The following ADAMTSL3 variants were observed in gnomAD, a reference collection of about 807,000 sequenced individuals.
ADAMTSL3 encodes ADAMTS like 3.
Under a neutral mutation model 201.7 loss-of-function variants are expected in ADAMTSL3, and 128 were observed. The observed-to-expected ratio is 0.63, with a 90% CI of 0.55 to 0.73. ADAMTSL3 has a LOEUF of 0.73. Among genes scored for constraint, ADAMTSL3 ranks in the 30% least tolerant of loss-of-function variants. The probability of loss-of-function intolerance (pLI) is 0.00; values close to 1 mark genes in which losing one functional copy is unlikely to be tolerated. For missense variants in ADAMTSL3, 1,990 were observed against 2,119.6 expected (o/e 0.94, Z 1.20); for synonymous variants, 738 against 748.4 (o/e 0.99, Z 0.23).
chr15:83,762,187 G>T (rs536123633), intron 3 of ADAMTSL3, among the ~76,000 whole-genome samples: 86 of 152,094 alleles, frequency 5.7e-4, no homozygotes, highest in Non-Finnish European at 1.1e-3. Flanking sequence ...AGCAGCTGGG[G>T]CTACTGGTGT....
In ADAMTSL3 at chr15:83,773,602, C is replaced by G; in HGVS notation, c.269C>G (p.Thr90Ser). The change falls in exon 4 of 30, where the codon ACC becomes AGC. Residue 90 changes from threonine to serine, a missense_variant. Thr to Ser is a moderately conservative substitution (Grantham distance 58). Coordinates refer to ENST00000286744, the MANE Select transcript of ADAMTSL3 (RefSeq NM_207517.3). Reference sequence around the variant, plus strand: ...GGCGACTGGAGTGACTGCTCCCGGACCTGTGGGGGAGGAGCATCATATTCT... The same window carrying G: ...GGCGACTGGAGTGACTGCTCCCGGAGCTGTGGGGGAGGAGCATCATATTCT... ...AWGDWSDCSRTCGGGASYSLR... is the reference protein window; with the variant it reads ...AWGDWSDCSRSCGGGASYSLR... 1 of 1,612,988 alleles carries G rather than the reference C, an allele frequency of 6.2e-7. No individual in the cohort carries two copies. The highest frequency in any genetic ancestry group is 1.1e-5 in the South Asian group (1 of 90,792).
chr15:83,799,223 G>C (rs2063480370), intron 4 of ADAMTSL3, among the ~76,000 whole-genome samples: 1 of 152,166 alleles, frequency 6.6e-6, no homozygotes, highest in Non-Finnish European at 1.5e-5. Context: ...CCATCCCAAA[G>C]CTTTAGAAAG....
rs145031923 is a variant in ADAMTSL3, at chr15:84,038,040, T to C, written c.*234T>C. On this transcript the variant is annotated 3_prime_UTR_variant, in exon 30 of 30. Coordinates refer to ENST00000286744, the MANE Select transcript of ADAMTSL3 (RefSeq NM_207517.3). ...CAAGGATGAACAAAATACTATAGCA[T>C]GCATGCCACTGCACTTGGGACCTCA... 1.1e-4 allele frequency: 57 copies of C among 526,092 alleles called. 1 individual carries two copies. In the East Asian group the frequency reaches 1.9e-3, roughly 17 times the overall value. 32.6% of individuals were successfully genotyped at this position (526,092 alleles called of 1,614,324 possible).
intron 4 of ADAMTSL3, among the ~76,000 whole-genome samples, chr15:83,797,623 T>C (rs570037940): frequency 6.6e-6 from 1 of 152,052 alleles, no homozygotes; most frequent in African/African-American, 2.4e-5. Context: ...AAAAAGAATA[T>C]GAAATGACAT....
chr15:83,809,380 C>T (rs761613858), intron 5 of ADAMTSL3, among the ~76,000 whole-genome samples: 1 of 152,114 alleles, frequency 6.6e-6, no homozygotes. Context: ...GCAAATGGCT[C>T]ACTAGCACCC....
At chr15:83,726,100 GA>G (rs2062171030) in intron 3 of ADAMTSL3, among the ~76,000 whole-genome samples, 1 of 151,888 alleles carries the variant, frequency 6.6e-6, no homozygotes, top group Non-Finnish European at 1.5e-5. Flanking sequence ...TTTCATTGTA[GA>G]AATCTTTCAT....
chr15:83,903,917 C>CAAAA (rs1168502648), intron 15 of ADAMTSL3, among the ~76,000 whole-genome samples: 3 of 19,274 alleles, frequency 1.6e-4, no homozygotes, highest in Non-Finnish European at 1.5e-4. Context: ...GACTCCACAT[C>CAAAA]AAAAAAAAAA....
At chr15:83,863,420 A>G (rs942603588) in intron 8 of ADAMTSL3, among the ~76,000 whole-genome samples, 2 of 152,238 alleles carry the variant, frequency 1.3e-5, no homozygotes, top group Non-Finnish European at 2.9e-5. Flanking sequence ...ACTGTCTCTC[A>G]GACCACAGTG....
chr15:83,661,948 A>C (rs191498922), intron 2 of ADAMTSL3, among the ~76,000 whole-genome samples: 6,694 of 146,168 alleles, frequency 0.046, 209 homozygotes, highest in Non-Finnish European at 0.069. Context: ...GATGTGGAGA[A>C]ATAGGAACAC....
intron 23 of ADAMTSL3, among the ~76,000 whole-genome samples, chr15:83,996,971 G>A (rs2067698764): frequency 6.6e-6 from 1 of 151,952 alleles, no homozygotes; most frequent in African/African-American, 2.4e-5. Context: ...GGCAAAAGTT[G>A]GCACTACCAA....
intron 21 of ADAMTSL3, among the ~76,000 whole-genome samples, chr15:83,984,274 C>T (rs550704724): frequency 6.6e-6 from 1 of 152,308 alleles, no homozygotes; most frequent in South Asian, 2.1e-4. Context: ...AACTGTTTTG[C>T]ATATCACAAG....
intron 23 of ADAMTSL3, among the ~76,000 whole-genome samples, chr15:83,997,767 T>G (rs951912481): frequency 6.6e-6 from 1 of 152,230 alleles, no homozygotes; most frequent in East Asian, 1.9e-4. Context: ...CTCCTAGCCC[T>G]GTTTCCTGTA....
intron 19 of ADAMTSL3, among the ~76,000 whole-genome samples, chr15:83,959,267 A>G (rs2066913974): frequency 6.6e-6 from 1 of 152,104 alleles, no homozygotes; most frequent in Non-Finnish European, 1.5e-5. Flanking sequence ...CTGTACTAAA[A>G]AATATACAAA....
At chr15:83,768,530 C>T (rs1251506531) in intron 3 of ADAMTSL3, among the ~76,000 whole-genome samples, 2 of 152,128 alleles carry the variant, frequency 1.3e-5, no homozygotes, top group Non-Finnish European at 2.9e-5. Flanking sequence ...GTGCAAATTT[C>T]GATGTGCGCC....
chr15:83,942,890 CTTGTCTTCTT>C lies in ADAMTSL3; in HGVS notation c.2311-12_2311-3del. The C allele has an allele frequency of 6.2e-7, 1 of 1,610,022 alleles. No homozygotes were observed. The highest frequency in any genetic ancestry group is 1.3e-5 in the African/African-American group (1 of 75,024). ...GGCCAAGCCTGCCGCCTCACCCCCT[CTTGTCTTCTT>C]AGTGTTCCAGGACTTGTGGCGGGGG... On this transcript the variant is annotated splice_polypyrimidine_tract_variant and splice_region_variant and intron_variant, in intron 18 of 29. Transcript: ENST00000286744.
At chr15:83,827,820 A>G (rs1168163180) in intron 6 of ADAMTSL3, among the ~76,000 whole-genome samples, 1 of 152,076 alleles carries the variant, frequency 6.6e-6, no homozygotes, top group Non-Finnish European at 1.5e-5. Flanking sequence ...CAAAGATCAG[A>G]TGGTTGTAGA....
chr15:84,016,329 C>T (rs1331596261), intron 24 of ADAMTSL3, 54 bp from the exon 25 acceptor site: 2 of 1,409,634 alleles, frequency 1.4e-6, no homozygotes, highest in African/African-American at 1.4e-5. Flanking sequence ...CCAAGCTGGA[C>T]CAATAATTAG....
At chr15:83,824,166 C>A (rs1020222881) in intron 6 of ADAMTSL3, among the ~76,000 whole-genome samples, 1 of 151,854 alleles carries the variant, frequency 6.6e-6, no homozygotes, top group African/African-American at 2.4e-5. Flanking sequence ...GCCTCAGCCT[C>A]CCACGTAGCT....
At chr15:83,826,517 T>A (rs1053215399) in intron 6 of ADAMTSL3, among the ~76,000 whole-genome samples, 4 of 151,810 alleles carry the variant, frequency 2.6e-5, no homozygotes, top group African/African-American at 7.3e-5. Context: ...ATAGGACTTT[T>A]AAAAAAATTA....
Sources: gnomAD v4.1 joint callset for allele counts (sites outside exome capture counted in the v4.1 genomes callset) on GRCh38, gnomAD v4.1.1 for gene constraint, MANE v1.5 for transcripts, NCBI Gene and HGNC (gene_info 2026-07-23, HGNC 2026-07-21) for gene names.